RYR2: variants seen among roughly 807,000 people sequenced by gnomAD.
The protein encoded by RYR2 is ryanodine receptor 2.
In RYR2, 227 loss-of-function variants were observed where a neutral mutation model predicts 601.1. The observed-to-expected ratio is 0.38, with a 90% CI of 0.34 to 0.42. The LOEUF is 0.42. Among genes scored for constraint, RYR2 ranks in the 10% least tolerant of loss-of-function variants. RYR2 has a pLI of 1.00. For missense variants in RYR2, 4,646 were observed against 6,156.5 expected, an observed-to-expected ratio of 0.75 and a Z score of 8.21; for synonymous variants, 2,223 against 2,175.1, an observed-to-expected ratio of 1.02 and a Z score of -0.61.
chr1:237,475,107 A>G (rs922170230), intron 17 of RYR2, among the ~76,000 whole-genome samples: 8 of 152,204 alleles, frequency 5.3e-5, no homozygotes, highest in Non-Finnish European at 8.8e-5. Context: ...TAACAACTCT[A>G]TAGGTTAGGT....
intron 1 of RYR2, among the ~76,000 whole-genome samples, chr1:237,087,864 A>G (rs558465006): frequency 6.6e-6 from 1 of 152,188 alleles, no homozygotes; most frequent in Admixed American, 6.5e-5. Context: ...AAGTTCTCGC[A>G]TTATTTGGAA....
chr1:237,791,263 G>A (rs1012524256), intron 92 of RYR2, among the ~76,000 whole-genome samples, 166 bp from the exon 93 acceptor site: 4 of 152,194 alleles, frequency 2.6e-5, no homozygotes, highest in African/African-American at 9.7e-5. Flanking sequence ...CATGGTGGCA[G>A]AAATGTTCTC....
chr1:237,823,384 A>C (rs1207814174), intron 101 of RYR2, among the ~76,000 whole-genome samples: 1 of 152,220 alleles, frequency 6.6e-6, no homozygotes, highest in Non-Finnish European at 1.5e-5. Context: ...CTCACTTAAA[A>C]CTGCACAACT....
chr1:237,380,577 T>C (rs1701423256), intron 8 of RYR2, among the ~76,000 whole-genome samples: 1 of 150,928 alleles, frequency 6.6e-6, no homozygotes, highest in South Asian at 2.1e-4. Flanking sequence ...CTCGTAGTTC[T>C]GTGAATGGCA....
In RYR2 at chr1:237,515,957, CCTT is replaced by C. The variant is rs199698254; in HGVS notation, c.2822+4169_2822+4171del. On this transcript the variant is annotated intron_variant, in intron 24 of 104. Transcript: ENST00000366574. ...TTCTTCCTCTTCTCCTTGCTCTTCT[CCTT>C]CTCGCTCTTCTCCTTCTTCTCCTCC... Among the ~76,000 whole-genome samples, 1,013 of 138,930 alleles carry C rather than the reference CCTT, an allele frequency of 7.3e-3. 15 individuals are homozygous for C. The highest frequency in any genetic ancestry group is 0.046 in the East Asian group (204 of 4,476). The allele number at this position is 138,930 out of a possible 152,430, so 91.1% of individuals were successfully genotyped here.
At chr1:237,320,602 C>T (rs534235853) in intron 2 of RYR2, among the ~76,000 whole-genome samples, 3 of 152,316 alleles carry the variant, frequency 2.0e-5, no homozygotes, top group African/African-American at 7.2e-5. Flanking sequence ...ATTCCTTGGC[C>T]TCATATCCAA....
At chr1:237,594,903 T>TTTG (rs1675681599) in intron 33 of RYR2, among the ~76,000 whole-genome samples, 1 of 31,504 alleles carries the variant, frequency 3.2e-5, no homozygotes. Context: ...TTTTTTTTTT[T>TTTG]TTTTTTTTTT....
chr1:237,456,614 C>T lies in RYR2; in HGVS notation c.1491C>T (p.Leu497=), dbSNP rs774279425. ...TAACGTTCCAGGGAATGATCAACCT[C>T]GTGCTTGAGTGCATAGACCGTTTGC... ...NLFQEEGMIN[L]VLECIDRLHV... The change falls in exon 16 of 105, where the codon CTC becomes CTT. Residue 497 remains leucine, a synonymous_variant. Transcript: ENST00000366574. 6.7e-5 allele frequency: 103 copies of T among 1,548,662 alleles called. No homozygotes were observed. The highest frequency in any genetic ancestry group is 6.3e-5 in the Non-Finnish European group (72 of 1,142,232).
rs905166153 is a variant in RYR2 at position 237,469,159 on chromosome 1, C to G, written c.1680C>G (p.Ser560Arg). The G allele has an allele frequency of 6.2e-7, 1 of 1,607,178 alleles. No individual in the cohort carries two copies. The highest frequency in any genetic ancestry group is 1.4e-5 in the African/African-American group (1 of 73,838). ...CTGGCTCCCTCGACTGGTTGATCAG[C>G]AGATTGGAAAGACTGGAAGCTTCTT... The part of the protein sequence containing the change: ...QFSGSLDWLI[S>R]RLERLEASSG... Residue 560 changes from serine to arginine, a missense_variant, in exon 17 of 105, where the codon AGC becomes AGG. By Grantham distance (110) the Ser-to-Arg change is moderately radical. Coordinates refer to ENST00000366574, the MANE Select transcript of RYR2 (RefSeq NM_001035.3).
intron 1 of RYR2, among the ~76,000 whole-genome samples, chr1:237,233,515 G>A (rs1685214310): frequency 6.6e-6 from 1 of 151,758 alleles, no homozygotes; most frequent in East Asian, 1.9e-4. Flanking sequence ...ACCCTTTTTA[G>A]GTGACTTTTT....
At position 237,270,565 on chromosome 1, in the gene RYR2, A is replaced by G. The variant is rs749509329; in HGVS notation, c.117A>G (p.Ala39=). The change falls in exon 2 of 105, where the codon GCA becomes GCG. Residue 39 remains alanine (A), a synonymous_variant. Transcript: ENST00000366574. ...HKEQQKLCLA[A]EGFGNRLCFL... ...AACAACAGAAGCTATGCTTGGCAGC[A>G]GAAGGATTTGGCAACAGACTTTGTT... The G allele has an allele frequency of 1.3e-6, 2 of 1,598,920 alleles. No homozygotes were observed. Among genetic ancestry groups the G allele is most frequent in the Non-Finnish European group, 8.5e-7 (1 of 1,172,458 alleles).
Position 237,214,804 on chromosome 1 carries a change from G to T in RYR2, c.49-55693G>T, listed in dbSNP as rs1175440969. The stretch of plus-strand genomic sequence containing the variant: ...TTTTCATGAATGTATTCTTCCTTAT[G>T]AACTTTAAGAATAAAATACAACATT... On this transcript the variant is annotated intron_variant, in intron 1 of 104. Transcript: ENST00000366574. Among the ~76,000 whole-genome samples the T allele has an allele frequency of 3.3e-5, 5 of 151,948 alleles. No homozygotes were observed. The East Asian group carries it at 9.6e-4, about 29-fold the overall frequency.
chr1:237,099,022 T>C (rs1330984444), intron 1 of RYR2, among the ~76,000 whole-genome samples: 3 of 152,096 alleles, frequency 2.0e-5, no homozygotes, highest in African/African-American at 7.2e-5. Context: ...GCTTCTCACC[T>C]GCGGGGACAA....
intron 36 of RYR2, among the ~76,000 whole-genome samples, chr1:237,613,733 C>T (rs1017043619): frequency 6.6e-6 from 1 of 152,126 alleles, no homozygotes; most frequent in Non-Finnish European, 1.5e-5. Context: ...TCGAAATGCT[C>T]CAAAATCGGA....
At chr1:237,108,210 C>G (rs1668968932) in intron 1 of RYR2, among the ~76,000 whole-genome samples, 1 of 152,156 alleles carries the variant, frequency 6.6e-6, no homozygotes, top group African/African-American at 2.4e-5. Flanking sequence ...GACTTAGCGA[C>G]CCAGAACCTC....
chr1:237,490,451 A>G (rs888602735), intron 17 of RYR2, among the ~76,000 whole-genome samples: 1 of 152,066 alleles, frequency 6.6e-6, no homozygotes. Context: ...ATGCTTTTCC[A>G]TTTCCATGAT....
chr1:237,250,807 CA>C lies in RYR2; in HGVS notation c.49-19689del, dbSNP rs369403266. On this transcript the variant is annotated intron_variant, in intron 1 of 104. Coordinates refer to ENST00000366574, the MANE Select transcript of RYR2 (RefSeq NM_001035.3). ...TATTTGATCTTTTCAGGATTATTTCCATCAGCATGTAAACATGTGATCATAT... is the reference window on the plus strand; with the variant it reads ...TATTTGATCTTTTCAGGATTATTTCCTCAGCATGTAAACATGTGATCATAT... Among the ~76,000 whole-genome samples, 339 of 152,286 alleles carry C rather than the reference CA, an allele frequency of 2.2e-3. 1 individual carries two copies. Among genetic ancestry groups the C allele is most frequent in the Non-Finnish European group, 2.8e-3 (188 of 68,028 alleles).
chr1:237,274,666 G>T (rs1484987313), intron 2 of RYR2, among the ~76,000 whole-genome samples: 1 of 152,096 alleles, frequency 6.6e-6, no homozygotes, highest in African/African-American at 2.4e-5. Context: ...AGTGTCCTAG[G>T]CCTTCACATT....
intron 17 of RYR2, among the ~76,000 whole-genome samples, chr1:237,491,239 T>C (rs1217895555): frequency 1.3e-5 from 2 of 152,242 alleles, no homozygotes; most frequent in African/African-American, 2.4e-5. Context: ...TACATATTTC[T>C]CTTATTTAAC....
Sources: gnomAD v4.1 joint callset for allele counts (sites outside exome capture counted in the v4.1 genomes callset) on GRCh38, gnomAD v4.1.1 for gene constraint, MANE v1.5 for transcripts, NCBI Gene and HGNC (gene_info 2026-07-23, HGNC 2026-07-21) for gene names.